PCDH9: variants seen among roughly 807,000 people sequenced by gnomAD.
PCDH9 encodes protocadherin 9.
A neutral mutation model predicts 70.6 loss-of-function variants in PCDH9; 24 were observed. That is an observed-to-expected ratio of 0.34 (90% CI 0.25 to 0.48). The LOEUF is 0.48. Ranked by LOEUF, PCDH9 falls within the 20% of genes least tolerant of loss-of-function variation. The pLI is 0.99. For missense variants in PCDH9, 1,281 were observed against 1,503.6 expected (o/e 0.85, Z 2.45); for synonymous variants, 562 against 558.5 (o/e 1.01, Z -0.09).
chr13:67,087,043 C>T (rs1239421927), intron 2 of PCDH9, among the ~76,000 whole-genome samples: 2 of 148,812 alleles, frequency 1.3e-5, no homozygotes, highest in Admixed American at 6.7e-5. Context: ...TTGTTCATTT[C>T]CCTGTACATT....
In PCDH9 at chr13:66,325,338, T is replaced by G. The variant is rs532826797; in HGVS notation, c.3341-20310A>C. ...GCTGGTCTTTAGGTCTCTAACTGAT[T>G]GCTTCCCAGCTCCATGAATTAAGGT... On this transcript the variant is annotated intron_variant, in intron 4 of 4. Coordinates refer to ENST00000377865, the MANE Select transcript of PCDH9 (RefSeq NM_203487.3). Among the ~76,000 whole-genome samples the G allele has an allele frequency of 7.0e-4, 107 of 152,188 alleles. 3 individuals carry two copies. The South Asian group carries it at 0.022, about 31-fold the overall frequency.
intron 3 of PCDH9, among the ~76,000 whole-genome samples, chr13:66,636,863 C>A (rs1438062479): frequency 6.6e-6 from 1 of 151,886 alleles, no homozygotes; most frequent in Non-Finnish European, 1.5e-5. Flanking sequence ...CATGTTTTTG[C>A]TATATCTCTG....
intron 4 of PCDH9, among the ~76,000 whole-genome samples, chr13:66,548,868 A>C (rs559998085): frequency 6.6e-6 from 1 of 152,134 alleles, no homozygotes; most frequent in African/African-American, 2.4e-5. Flanking sequence ...TTTTAATTTG[A>C]TTAAAAATGC....
intron 2 of PCDH9, among the ~76,000 whole-genome samples, chr13:67,164,988 G>A (rs900790316): frequency 4.6e-5 from 7 of 152,162 alleles, no homozygotes; most frequent in African/African-American, 1.7e-4. Context: ...CAGCAGGGGA[G>A]AGAACTTAGC....
intron 2 of PCDH9, among the ~76,000 whole-genome samples, chr13:67,164,265 G>T (rs933709009): frequency 3.3e-5 from 5 of 152,152 alleles, no homozygotes; most frequent in Admixed American, 1.3e-4. Flanking sequence ...GGAAAATTCA[G>T]AAATTAGCAG....
chr13:66,831,458 A>T (rs1429018861), intron 3 of PCDH9, among the ~76,000 whole-genome samples: 1 of 152,172 alleles, frequency 6.6e-6, no homozygotes, highest in Non-Finnish European at 1.5e-5. Context: ...TGACAAGCAT[A>T]CTAATTTGTA....
intron 4 of PCDH9, among the ~76,000 whole-genome samples, chr13:66,429,267 G>A (rs1957726586): frequency 6.6e-6 from 1 of 151,678 alleles, no homozygotes; most frequent in Admixed American, 6.6e-5. Context: ...TAATAAGAAT[G>A]TACCCAAAAG....
intron 3 of PCDH9, among the ~76,000 whole-genome samples, chr13:66,826,209 A>G (rs908443762): frequency 6.6e-6 from 1 of 152,216 alleles, no homozygotes; most frequent in Non-Finnish European, 1.5e-5. Context: ...CCTCAGAGTC[A>G]TGGAATGGAT....
Position 67,135,442 on chromosome 13 carries a change from T to A in PCDH9, c.3036+89963A>T, listed in dbSNP as rs185033905. ...CATTTTTACCCCATAGATCTCATTT[T>A]ATAATAAGCATTTCTTTTCTTTTTT... On this transcript the variant is annotated intron_variant, in intron 2 of 4. Coordinates refer to ENST00000377865, the MANE Select transcript of PCDH9 (RefSeq NM_203487.3). Among the ~76,000 whole-genome samples, 603 of 152,240 alleles carry A rather than the reference T, an allele frequency of 4.0e-3. 6 individuals are homozygous for A. Among genetic ancestry groups the A allele is most frequent in the African/African-American group, 0.014 (581 of 41,562 alleles).
intron 2 of PCDH9, among the ~76,000 whole-genome samples, chr13:67,125,848 T>G (rs1381809535): frequency 6.6e-6 from 1 of 152,016 alleles, no homozygotes; most frequent in Non-Finnish European, 1.5e-5. Flanking sequence ...TATATGTGTG[T>G]GTGTGTGTGT....
At chr13:67,007,177 A>C (rs1465754575) in intron 2 of PCDH9, among the ~76,000 whole-genome samples, 1 of 152,098 alleles carries the variant, frequency 6.6e-6, no homozygotes, top group Non-Finnish European at 1.5e-5. Context: ...AACTTCCAAA[A>C]CACCAGTGTT....
At chr13:67,085,704 T>C (rs2086093454) in intron 2 of PCDH9, among the ~76,000 whole-genome samples, 1 of 152,220 alleles carries the variant, frequency 6.6e-6, no homozygotes, top group Non-Finnish European at 1.5e-5. Flanking sequence ...TCTGTTTCTG[T>C]GGCTAACAAG....
At chr13:66,641,693 T>A (rs1268873687) in intron 3 of PCDH9, among the ~76,000 whole-genome samples, 1 of 152,106 alleles carries the variant, frequency 6.6e-6, no homozygotes, top group Non-Finnish European at 1.5e-5. Context: ...TTAGACTTAT[T>A]AATGCATGAT....
chr13:66,864,224 A>T (rs965070062), intron 3 of PCDH9, among the ~76,000 whole-genome samples: 2 of 152,126 alleles, frequency 1.3e-5, no homozygotes, highest in African/African-American at 4.8e-5. Flanking sequence ...AGTTCATAGG[A>T]TTATGAGAAG....
intron 4 of PCDH9, among the ~76,000 whole-genome samples, chr13:66,393,970 G>A (rs985233714): frequency 1.4e-4 from 22 of 152,170 alleles, no homozygotes; most frequent in Non-Finnish European, 4.4e-5. Context: ...CAATGCTAAG[G>A]CATTTGAGAT....
intron 3 of PCDH9, among the ~76,000 whole-genome samples, chr13:66,849,508 A>G (rs1160000202): frequency 9.4e-6 from 1 of 106,652 alleles, no homozygotes; most frequent in Non-Finnish European, 2.0e-5. Context: ...ATATATATAT[A>G]TATATATATA....
At chr13:67,020,466 C>T (rs1313199153) in intron 2 of PCDH9, among the ~76,000 whole-genome samples, 4 of 152,036 alleles carry the variant, frequency 2.6e-5, no homozygotes, top group Non-Finnish European at 5.9e-5. Flanking sequence ...AAAATATGGG[C>T]CAGGTAGGAC....
At chr13:66,411,273 T>A (rs1469713403) in intron 4 of PCDH9, among the ~76,000 whole-genome samples, 3 of 152,240 alleles carry the variant, frequency 2.0e-5, no homozygotes, top group African/African-American at 7.2e-5. Flanking sequence ...TTAAATGTTA[T>A]AGAAAATTTT....
intron 2 of PCDH9, among the ~76,000 whole-genome samples, chr13:67,082,400 C>G (rs1164975960): frequency 2.6e-5 from 4 of 152,174 alleles, no homozygotes; most frequent in South Asian, 4.1e-4. Context: ...AGATTAAAGG[C>G]TGTAACAAAC....
Sources: allele counts gnomAD v4.1 joint callset (sites outside exome capture counted in the v4.1 genomes callset), GRCh38; gene constraint gnomAD v4.1.1; transcripts MANE v1.5; gene names NCBI Gene and HGNC (gene_info 2026-07-23, HGNC 2026-07-21).